Variants in THADA observed in about 807,000 individuals in gnomAD.
The protein encoded by THADA is THADA armadillo repeat containing.
A neutral mutation model predicts 219.8 loss-of-function variants in THADA; 213 were observed. That is an observed-to-expected ratio of 0.97 (90% CI 0.87 to 1.09). THADA has a LOEUF of 1.09. THADA is among the 50% of genes least tolerant of loss of function. The pLI is 0.00. For missense variants in THADA, 2,956 were observed against 2,311.3 expected (o/e 1.28, Z -5.72); for synonymous variants, 1,018 against 828.9 (o/e 1.23, Z -3.92).
intron 21 of THADA, 50 bp from the exon 22 acceptor site, chr2:43,528,038 A>AGT: frequency 7.2e-7 from 1 of 1,395,038 alleles, no homozygotes; most frequent in Non-Finnish European, 1.0e-6. Flanking sequence ...TACATTCGCA[A>AGT]GTGTATTTAT....
At chr2:43,296,612 G>A (rs1281575551) in intron 31 of THADA, among the ~76,000 whole-genome samples, 2 of 152,048 alleles carry the variant, frequency 1.3e-5, no homozygotes, top group Non-Finnish European at 2.9e-5. Context: ...GGAAACCCTG[G>A]GCAGCTGGGA....
At chr2:43,384,291 A>C (rs1672380449) in intron 29 of THADA, among the ~76,000 whole-genome samples, 1 of 152,158 alleles carries the variant, frequency 6.6e-6, no homozygotes, top group African/African-American at 2.4e-5. Flanking sequence ...CTCCTTCTCT[A>C]ATGAGGCTGT....
chr2:43,529,671 G>C (rs6746217), intron 21 of THADA, among the ~76,000 whole-genome samples: 1,537 of 152,258 alleles, frequency 0.01, 31 homozygotes, highest in African/African-American at 0.035. Context: ...GACCAAAGCT[G>C]TAACCAGCTA....
At chr2:43,430,357 T>C (rs1177077562) in intron 26 of THADA, 55 bp from the exon 27 acceptor site, 16 of 1,004,936 alleles carry the variant, frequency 1.6e-5, no homozygotes, top group Non-Finnish European at 2.3e-5. Context: ...GATCTGACAA[T>C]AAAGCCTTTT....
intron 31 of THADA, among the ~76,000 whole-genome samples, chr2:43,317,625 C>T (rs1678230745): frequency 1.3e-5 from 2 of 152,174 alleles, no homozygotes; most frequent in African/African-American, 4.8e-5. Context: ...ATTTTTATCC[C>T]AAACAGTGCT....
intron 36 of THADA, among the ~76,000 whole-genome samples, chr2:43,269,517 G>A (rs1196538409): frequency 6.6e-6 from 1 of 152,132 alleles, no homozygotes; most frequent in East Asian, 1.9e-4. Flanking sequence ...TGCCAGTGAC[G>A]CACTCGCTGA....
chr2:43,550,908 T>C (rs1017696480), intron 19 of THADA, among the ~76,000 whole-genome samples: 1 of 152,146 alleles, frequency 6.6e-6, no homozygotes, highest in Non-Finnish European at 1.5e-5. Flanking sequence ...GAAGGATTGC[T>C]TGACAAGAGC....
chr2:43,233,913 T>C (rs1183118867), intron 36 of THADA, among the ~76,000 whole-genome samples: 1 of 152,144 alleles, frequency 6.6e-6, no homozygotes, highest in Non-Finnish European at 1.5e-5. Context: ...TGCATTTCTA[T>C]TGAGCCCTGA....
rs780962443 is a variant in THADA at position 43,587,004 on chromosome 2, T to A, written c.303-2A>T. 1 of 1,611,700 alleles carries A rather than the reference T, an allele frequency of 6.2e-7. No individual in the cohort carries two copies. On this transcript the variant is annotated splice_acceptor_variant, in intron 4 of 37. Transcript: ENST00000405975. LOFTEE classifies it high-confidence loss of function. ...AAATCAGGCAGGCTATTTAGTGAGC[T>A]AGAAAAAGAAACAAATATTAAAAAT...
At chr2:43,515,012 T>TA (rs1558889994) in intron 22 of THADA, among the ~76,000 whole-genome samples, 4 of 27,250 alleles carry the variant, frequency 1.5e-4, no homozygotes, top group Non-Finnish European at 1.3e-4. Context: ...ATTATATATA[T>TA]TATATATTTT....
In THADA at chr2:43,573,995, G is replaced by T. The variant is rs565167011; in HGVS notation, c.1729+341C>A. Among the ~76,000 whole-genome samples, 8 of 152,216 alleles carry T rather than the reference G, an allele frequency of 5.3e-5. 1 individual carries two copies. The South Asian group carries it at 1.7e-3, about 32-fold the overall frequency. On this transcript the variant is annotated intron_variant, in intron 11 of 37. Transcript: ENST00000405975. The stretch of plus-strand genomic sequence containing the variant: ...CACAATTTTTAATTATTGTCTCAAT[G>T]ACTTGAATAAGCACATTATATAAGA...
chr2:43,477,428 A>G (rs1685679488), intron 26 of THADA, among the ~76,000 whole-genome samples: 1 of 152,206 alleles, frequency 6.6e-6, no homozygotes, highest in South Asian at 2.1e-4. Context: ...AGAAAAATCT[A>G]TTTTTCACTA....
chr2:43,287,636 C>G (rs1467249834), intron 34 of THADA, among the ~76,000 whole-genome samples: 1 of 152,164 alleles, frequency 6.6e-6, no homozygotes, highest in Non-Finnish European at 1.5e-5. Context: ...GTTATGAGAA[C>G]ACTGGCATAC....
intron 22 of THADA, 72 bp from the exon 23 acceptor site, chr2:43,508,852 T>C (rs1241557213): frequency 2.8e-6 from 4 of 1,440,736 alleles, no homozygotes; most frequent in Non-Finnish European, 3.8e-6. Flanking sequence ...TGATGCACAT[T>C]TACACTGTTA....
Position 43,308,763 on chromosome 2 carries a change from A to C in THADA, c.4438+11683T>G, listed in dbSNP as rs1196493645. Among the ~76,000 whole-genome samples the C allele has an allele frequency of 1.1e-3, 155 of 147,514 alleles. 1 individual carries two copies. The highest frequency in any genetic ancestry group is 3.5e-3 in the African/African-American group (142 of 40,144). On this transcript the variant is annotated intron_variant, in intron 31 of 37. Coordinates refer to ENST00000405975, the MANE Select transcript of THADA (RefSeq NM_022065.5). Reference sequence around the variant, plus strand: ...GAAACATTGGATACCCATACCAAAAAAAAAAAAAAAAAAAAAAAAAAGAAT... The same window carrying C: ...GAAACATTGGATACCCATACCAAAACAAAAAAAAAAAAAAAAAAAAAGAAT...
intron 21 of THADA, among the ~76,000 whole-genome samples, chr2:43,540,039 G>T (rs1695100375): frequency 6.6e-6 from 1 of 152,158 alleles, no homozygotes; most frequent in South Asian, 2.1e-4. Flanking sequence ...CTTGTCCTTG[G>T]AAAGAGAAGT....
intron 26 of THADA, among the ~76,000 whole-genome samples, chr2:43,443,283 G>A (rs769567083): frequency 6.6e-5 from 10 of 152,204 alleles, no homozygotes; most frequent in Non-Finnish European, 1.2e-4. Flanking sequence ...AAGGAATTAT[G>A]ACCAAGATAG....
chr2:43,505,650 G>A lies in THADA; in HGVS notation c.3593C>T (p.Thr1198Ile), dbSNP rs776717012. 4 of 1,597,006 alleles carry A rather than the reference G, an allele frequency of 2.5e-6. No individual in the cohort carries two copies. The African/African-American group carries it at 4.0e-5, about 16-fold the overall frequency. The change falls in exon 24 of 38, where the codon ACA becomes ATA. Residue 1198 changes from threonine to isoleucine, a missense_variant. Transcript: ENST00000405975. ...MKELISLAGPTDDIQSTVPQV... is the reference protein window; with the variant it reads ...MKELISLAGPIDDIQSTVPQV... ...GGGGACTGTACTCTGTATGTCATCTGTAGGCCCAGCCAAAGAGATTAACTC... is the reference window on the plus strand; with the variant it reads ...GGGGACTGTACTCTGTATGTCATCTATAGGCCCAGCCAAAGAGATTAACTC...
chr2:43,243,076 G>A (rs950356546), intron 36 of THADA, among the ~76,000 whole-genome samples: 3 of 152,184 alleles, frequency 2.0e-5, no homozygotes, highest in African/African-American at 4.8e-5. Context: ...AGAAAGTTGC[G>A]AAGATTCTAG....
Sources: gnomAD v4.1 joint callset for allele counts (sites outside exome capture counted in the v4.1 genomes callset) on GRCh38, gnomAD v4.1.1 for gene constraint, MANE v1.5 for transcripts, NCBI Gene and HGNC (gene_info 2026-07-23, HGNC 2026-07-21) for gene names.